Variants in RBFOX3 observed in about 807,000 individuals in gnomAD.
RBFOX3 encodes RNA binding protein fox-1 homolog 3.
In RBFOX3, 17 loss-of-function variants were observed where a neutral mutation model predicts 48.7. That is an observed-to-expected ratio of 0.35 (90% CI 0.24 to 0.52). The LOEUF is 0.52. Among genes scored for constraint, RBFOX3 ranks in the 20% least tolerant of loss-of-function variants. RBFOX3 has a pLI of 0.94. For missense variants in RBFOX3, 382 were observed against 497.5 expected, an observed-to-expected ratio of 0.77 and a Z score of 2.21; for synonymous variants, 212 against 209.5, an observed-to-expected ratio of 1.01 and a Z score of -0.10.
At chr17:79,281,626 A>G (rs2070540105) in intron 3 of RBFOX3, among the ~76,000 whole-genome samples, 1 of 152,166 alleles carries the variant, frequency 6.6e-6, no homozygotes, top group African/African-American at 2.4e-5. Context: ...TGGATATTTT[A>G]TCAGCACTCA....
At chr17:79,158,317 G>T (rs1008800832) in intron 4 of RBFOX3, among the ~76,000 whole-genome samples, 5 of 152,186 alleles carry the variant, frequency 3.3e-5, no homozygotes, top group African/African-American at 1.2e-4. Flanking sequence ...TTACTAGTCG[G>T]CTGGCCCTGG....
intron 1 of RBFOX3, among the ~76,000 whole-genome samples, chr17:79,484,115 C>T (rs1449353928): frequency 2.0e-5 from 3 of 152,198 alleles, no homozygotes; most frequent in Non-Finnish European, 4.4e-5. Context: ...AGTGGCTGAG[C>T]TGTGTCTCCC....
chr17:79,297,461 C>T (rs148562208), intron 3 of RBFOX3, among the ~76,000 whole-genome samples: 6 of 108,396 alleles, frequency 5.5e-5, no homozygotes, highest in East Asian at 2.9e-4. Flanking sequence ...ATGGCTTCCT[C>T]GGGCCATCCC....
In RBFOX3 at chr17:79,482,732, G is replaced by C. The variant is rs1360016009; in HGVS notation, c.-319-134C>G. ...AGCCAACTGTTTGCCACCAGGGATC[G>C]AGGGATTGAGGGATCAGCACCCTCC... On this transcript the variant is annotated intron_variant, in intron 1 of 14. Transcript: ENST00000693108. This position sits in a 1 kb window ranked among gnomAD's most constrained non-coding sequence, Gnocchi z 4.1. The C allele has an allele frequency of 3.3e-5, 5 of 152,140 alleles. 1 individual carries two copies. Among genetic ancestry groups the C allele is most frequent in the Admixed American group, 3.3e-4 (5 of 15,276 alleles). The allele number at this position is 152,140 out of a possible 1,614,324, so 9.4% of individuals were successfully genotyped here.
intron 3 of RBFOX3, among the ~76,000 whole-genome samples, chr17:79,282,018 G>T (rs1043514248): frequency 1.3e-5 from 2 of 152,216 alleles, no homozygotes; most frequent in Non-Finnish European, 2.9e-5. Flanking sequence ...AAACACTGAG[G>T]GGGCAGGGGA....
intron 4 of RBFOX3, among the ~76,000 whole-genome samples, chr17:79,121,006 G>A (rs914378597): frequency 2.0e-5 from 3 of 151,992 alleles, no homozygotes; most frequent in Non-Finnish European, 1.5e-5. Context: ...CAGCTCTCAC[G>A]ACCTGAATGT....
intron 3 of RBFOX3, among the ~76,000 whole-genome samples, chr17:79,301,442 A>G (rs905894319): frequency 1.7e-4 from 26 of 152,200 alleles, no homozygotes; most frequent in Non-Finnish European, 7.3e-5. Flanking sequence ...CAAGACTGAG[A>G]CCACAGAGGT....
In RBFOX3 at chr17:79,204,481, G is replaced by A. The variant is rs944937217; in HGVS notation, c.-34+31285C>T. Among the ~76,000 whole-genome samples the A allele has an allele frequency of 6.6e-5, 10 of 152,164 alleles. No individual in the cohort carries two copies. The highest frequency in any genetic ancestry group is 1.0e-4 in the Non-Finnish European group (7 of 68,030). On this transcript the variant is annotated intron_variant, in intron 4 of 14. Coordinates refer to ENST00000693108, the MANE Select transcript of RBFOX3 (RefSeq NM_001350451.2). The surrounding 1 kb of genome is among the most constrained non-coding windows in gnomAD (Gnocchi z 4.5). ...AGTCCAGTGAACAGCTCCTTGAAGCGCACACATACCGACAGCATTCAGTCA... is the reference window on the plus strand; with the variant it reads ...AGTCCAGTGAACAGCTCCTTGAAGCACACACATACCGACAGCATTCAGTCA...
intron 1 of RBFOX3, among the ~76,000 whole-genome samples, chr17:79,492,549 C>T (rs2080843682): frequency 6.6e-6 from 1 of 152,220 alleles, no homozygotes; most frequent in Non-Finnish European, 1.5e-5. Flanking sequence ...ATCCTCCAGC[C>T]CCAGTTGAGC....
At chr17:79,609,082 G>A (rs902639151) in intron 1 of RBFOX3, among the ~76,000 whole-genome samples, 10 of 152,188 alleles carry the variant, frequency 6.6e-5, no homozygotes, top group African/African-American at 2.4e-4. Context: ...TGGAGGGTCG[G>A]TTTTTAATTA....
chr17:79,618,462 T>C, the RBFOX3 span, among the ~76,000 whole-genome samples: 1 of 152,090 alleles, frequency 6.6e-6, no homozygotes, highest in Non-Finnish European at 1.5e-5. Flanking sequence ...GGCAGAATAG[T>C]GTCAGATTGC....
At chr17:79,202,605 C>G (rs2612799) in intron 4 of RBFOX3, among the ~76,000 whole-genome samples, 55,364 of 152,204 alleles carry the variant, frequency 0.36, 10,623 homozygotes, top group Admixed American at 0.5. Flanking sequence ...GGGGCTTGCC[C>G]CAGATCGCCT....
intron 3 of RBFOX3, among the ~76,000 whole-genome samples, chr17:79,275,992 A>T (rs575317292): frequency 1.3e-5 from 2 of 152,350 alleles, no homozygotes; most frequent in Admixed American, 6.5e-5. Context: ...AAGTGATGAA[A>T]TGATCCACAC....
At chr17:79,102,780 C>T (rs954593012) in intron 8 of RBFOX3, among the ~76,000 whole-genome samples, 4 of 152,232 alleles carry the variant, frequency 2.6e-5, no homozygotes, top group African/African-American at 9.6e-5. Flanking sequence ...TTGGGGACAG[C>T]CGCTGCTCCA....
At chr17:79,422,475 T>C (rs1434329500) in intron 2 of RBFOX3, among the ~76,000 whole-genome samples, 1 of 152,092 alleles carries the variant, frequency 6.6e-6, no homozygotes, top group Non-Finnish European at 1.5e-5. Context: ...CTGCCCTCTG[T>C]GTTTCACCCA....
intron 4 of RBFOX3, among the ~76,000 whole-genome samples, chr17:79,153,461 G>A (rs74661802): frequency 0.021 from 3,146 of 152,238 alleles, 108 homozygotes; most frequent in African/African-American, 0.071. Context: ...GCTAAGCCTC[G>A]GTGTCAGGGC....
At chr17:79,548,455 C>T (rs2090761780) in intron 1 of RBFOX3, among the ~76,000 whole-genome samples, 1 of 152,238 alleles carries the variant, frequency 6.6e-6, no homozygotes, top group Non-Finnish European at 1.5e-5. Context: ...CTGGCAGCCC[C>T]GTGGCACGGC....
Position 79,198,180 on chromosome 17 carries a change from T to C in RBFOX3, c.-34+37586A>G, listed in dbSNP as rs2056062871. ...GGCTGTCATCCCGGAAGTGCTACGGTTGCATCGCTGGACCATCCTCAACAC... is the reference window on the plus strand; with the variant it reads ...GGCTGTCATCCCGGAAGTGCTACGGCTGCATCGCTGGACCATCCTCAACAC... On this transcript the variant is annotated intron_variant, in intron 4 of 14. Transcript: ENST00000693108. The surrounding 1 kb of genome is among the most constrained non-coding windows in gnomAD (Gnocchi z 8.2). Among the ~76,000 whole-genome samples the C allele has an allele frequency of 6.6e-6, 1 of 151,634 alleles. No individual in the cohort carries two copies. The highest frequency in any genetic ancestry group is 2.4e-5 in the African/African-American group (1 of 41,192).
chr17:79,621,369 C>T, the RBFOX3 span, among the ~76,000 whole-genome samples: 2 of 152,158 alleles, frequency 1.3e-5, no homozygotes, highest in African/African-American at 4.8e-5. Flanking sequence ...TGGGGGAAAC[C>T]GTTGAGCAGG....
Sources: gnomAD v4.1 joint callset for allele counts (sites outside exome capture counted in the v4.1 genomes callset) on GRCh38, gnomAD v4.1.1 for gene constraint, Gnocchi (gnomAD v3.1) non-coding constraint, MANE v1.5 for transcripts, NCBI Gene and HGNC (gene_info 2026-07-23, HGNC 2026-07-21) for gene names.